FHOD3: variants seen among roughly 807,000 people sequenced by gnomAD.
FHOD3 encodes FH1/FH2 domain-containing protein 3.
FHOD3 carries 90 observed loss-of-function variants against 173.0 expected under a neutral mutation model. That is an observed-to-expected ratio of 0.52 (90% CI 0.44 to 0.62). FHOD3 has a LOEUF of 0.62. FHOD3 is among the 20% of genes least tolerant of loss of function. The pLI is 0.00. For missense variants in FHOD3, 1,945 were observed against 2,034.7 expected, an observed-to-expected ratio of 0.96 and a Z score of 0.85; for synonymous variants, 828 against 823.0, an observed-to-expected ratio of 1.01 and a Z score of -0.10.
intron 6 of FHOD3, among the ~76,000 whole-genome samples, chr18:36,587,783 TAGA>T (rs1294280879): frequency 3.3e-5 from 5 of 152,162 alleles, no homozygotes; most frequent in Admixed American, 1.3e-4. Flanking sequence ...GAAAAAAAAA[TAGA>T]AGAAGAAAAT....
intron 4 of FHOD3, among the ~76,000 whole-genome samples, chr18:36,507,134 G>T (rs2055350584): frequency 6.6e-6 from 1 of 152,228 alleles, no homozygotes; most frequent in African/African-American, 2.4e-5. Context: ...TTGTGAATAG[G>T]TGTAGGAAAA....
At chr18:36,460,604 T>C (rs2052492541) in intron 3 of FHOD3, among the ~76,000 whole-genome samples, 3 of 152,220 alleles carry the variant, frequency 2.0e-5, no homozygotes, top group Non-Finnish European at 4.4e-5. Context: ...CTAACCTGTG[T>C]GCTCAGTTTA....
chr18:36,511,765 C>T (rs892315521), intron 4 of FHOD3, among the ~76,000 whole-genome samples: 1 of 152,214 alleles, frequency 6.6e-6, no homozygotes, highest in Non-Finnish European at 1.5e-5. Flanking sequence ...TGTCTGAGAA[C>T]CACCGGATGA....
intron 5 of FHOD3, among the ~76,000 whole-genome samples, chr18:36,564,426 A>T (rs2058195868): frequency 6.6e-6 from 1 of 152,064 alleles, no homozygotes; most frequent in Non-Finnish European, 1.5e-5. Flanking sequence ...AGACTGGGAG[A>T]GGGTGAGGAG....
intron 2 of FHOD3, among the ~76,000 whole-genome samples, chr18:36,370,221 G>A (rs1340786431): frequency 6.6e-6 from 1 of 152,040 alleles, no homozygotes; most frequent in Non-Finnish European, 1.5e-5. Context: ...CCAGTTCCAT[G>A]CAGGTTTCTT....
chr18:36,679,612 G>A (rs1211154127), intron 14 of FHOD3, among the ~76,000 whole-genome samples: 3 of 151,780 alleles, frequency 2.0e-5, no homozygotes, highest in Admixed American at 1.3e-4. Flanking sequence ...CCCTTTAAAT[G>A]TATTCTAATT....
intron 16 of FHOD3, among the ~76,000 whole-genome samples, chr18:36,690,742 A>C (rs1296235742): frequency 6.6e-6 from 1 of 151,678 alleles, no homozygotes; most frequent in African/African-American, 2.4e-5. Flanking sequence ...TAAAAAAAAA[A>C]CTTTTAATTA....
chr18:36,740,986 C>A, intron 21 of FHOD3, 148 bp downstream of exon 21: 1 of 724,652 alleles, frequency 1.4e-6, no homozygotes. Flanking sequence ...GTGTGTACAC[C>A]AAGTGATCAG....
In FHOD3 at chr18:36,562,077, C is replaced by T. The variant is rs147072609; in HGVS notation, c.512-14374C>T. On this transcript the variant is annotated intron_variant, in intron 5 of 28. Coordinates refer to ENST00000590592, the MANE Select transcript of FHOD3 (RefSeq NM_001281740.3). The stretch of plus-strand genomic sequence containing the variant: ...TGTTACCCAGGCTGGAGTGCAATGG[C>T]GCAATGTTGGCTCACTGCAACCTCC... Among the ~76,000 whole-genome samples the T allele has an allele frequency of 5.9e-3, 892 of 151,934 alleles. 13 individuals carry two copies. The highest frequency in any genetic ancestry group is 0.02 in the African/African-American group (826 of 41,434).
intron 3 of FHOD3, among the ~76,000 whole-genome samples, chr18:36,381,665 G>T (rs1387370399): frequency 7.2e-6 from 1 of 138,864 alleles, no homozygotes; most frequent in Non-Finnish European, 1.6e-5. Context: ...TGTGCCAGAT[G>T]CAGTATACTG....
chr18:36,531,438 G>A (rs1449723048), intron 5 of FHOD3, among the ~76,000 whole-genome samples: 1 of 152,058 alleles, frequency 6.6e-6, no homozygotes, highest in Non-Finnish European at 1.5e-5. Context: ...AGCCATTCCT[G>A]TCCAAAACAC....
At chr18:36,726,332 G>A (rs1445322418) in intron 19 of FHOD3, among the ~76,000 whole-genome samples, 3 of 151,774 alleles carry the variant, frequency 2.0e-5, no homozygotes, top group African/African-American at 7.3e-5. Flanking sequence ...GAGGTTTTTT[G>A]CTTTGTTTCC....
chr18:36,762,669 G>A (rs1264606858), intron 27 of FHOD3, among the ~76,000 whole-genome samples: 2 of 151,982 alleles, frequency 1.3e-5, no homozygotes. Context: ...GGTGTCACAT[G>A]CCTGTAATCC....
chr18:36,578,793 G>A (rs1031273361), intron 6 of FHOD3, among the ~76,000 whole-genome samples: 1 of 152,154 alleles, frequency 6.6e-6, no homozygotes, highest in Non-Finnish European at 1.5e-5. Context: ...CTCTGTGGCT[G>A]GCACTGGCAT....
At chr18:36,656,163 G>C (rs1707892795) in intron 13 of FHOD3, among the ~76,000 whole-genome samples, 1 of 152,100 alleles carries the variant, frequency 6.6e-6, no homozygotes, top group Admixed American at 6.5e-5. Context: ...CTTGCTGCCT[G>C]GTTTCTTTCC....
chr18:36,723,602 A>G (rs1384850365), intron 19 of FHOD3, among the ~76,000 whole-genome samples: 3 of 152,076 alleles, frequency 2.0e-5, no homozygotes, highest in Non-Finnish European at 1.5e-5. Flanking sequence ...CATTTCTAGA[A>G]CTTCTGCCTC....
intron 3 of FHOD3, among the ~76,000 whole-genome samples, chr18:36,380,644 C>CCTTTCCTTTCTT (rs2047730527): frequency 2.7e-5 from 2 of 73,072 alleles, no homozygotes; most frequent in Admixed American, 1.8e-4. Flanking sequence ...TTTCCTTTCT[C>CCTTTCCTTTCTT]TGTATCTCTT....
At chr18:36,691,266 C>T (rs2038945644) in intron 16 of FHOD3, among the ~76,000 whole-genome samples, 1 of 152,188 alleles carries the variant, frequency 6.6e-6, no homozygotes, top group Non-Finnish European at 1.5e-5. Context: ...GCTTCATCAC[C>T]ACCACCCACT....
chr18:36,403,416 A>G (rs991239781), intron 3 of FHOD3, among the ~76,000 whole-genome samples: 1 of 152,240 alleles, frequency 6.6e-6, no homozygotes, highest in African/African-American at 2.4e-5. Flanking sequence ...ATTAACTGCA[A>G]GATGAGTGGC....
Sources: gnomAD v4.1 joint callset for allele counts (sites outside exome capture counted in the v4.1 genomes callset) on GRCh38, gnomAD v4.1.1 for gene constraint, MANE v1.5 for transcripts, NCBI Gene and HGNC (gene_info 2026-07-23, HGNC 2026-07-21) for gene names.